Variants in SULT1E1 observed in about 807,000 individuals in gnomAD.
The protein encoded by SULT1E1 is sulfotransferase family 1E member 1, also known as sulfotransferase 1E1.
A neutral mutation model predicts 33.6 loss-of-function variants in SULT1E1; 36 were observed. The ratio of observed to expected loss-of-function variants is 1.07; its 90% confidence interval spans 0.82 to 1.41. The LOEUF (loss-of-function observed/expected upper bound fraction) is 1.41, where lower values mean the gene tolerates loss of function less well. Among genes scored for constraint, SULT1E1 ranks in the 40% most tolerant of loss-of-function variants. The probability of loss-of-function intolerance (pLI) is 0.00; values close to 1 mark genes in which losing one functional copy is unlikely to be tolerated. For synonymous variants in SULT1E1, 121 were observed against 111.7 expected (o/e 1.08, Z -0.53); for missense variants, 371 against 345.7 (o/e 1.07, Z -0.58).
the SULT1E1 span, among the ~76,000 whole-genome samples, chr4:69,823,883 G>A: frequency 1.1e-3 from 161 of 152,038 alleles, 1 homozygote; most frequent in African/African-American, 3.3e-3. Context: ...GAATGAAGCC[G>A]CTCCTATCAA....
At chr4:69,826,296 A>C in the SULT1E1 span, among the ~76,000 whole-genome samples, 18 of 152,232 alleles carry the variant, frequency 1.2e-4, no homozygotes, top group East Asian at 3.3e-3. Context: ...GTTTTCGAGA[A>C]TGTGTCGGTA....
chr4:69,854,119 C>G, intron 4 of SULT1E1, 98 bp downstream of exon 4: 1 of 746,640 alleles, frequency 1.3e-6, no homozygotes, highest in Non-Finnish European at 2.2e-6. Context: ...TCTATAGATT[C>G]AATGAAAGAA....
At chr4:69,828,844 G>T in the SULT1E1 span, among the ~76,000 whole-genome samples, 115 of 152,264 alleles carry the variant, frequency 7.6e-4, 1 homozygote, top group Non-Finnish European at 4.3e-4. Context: ...AACATGTGCA[G>T]GAGTCCCCTG....
At chr4:69,829,684 A>G in the SULT1E1 span, among the ~76,000 whole-genome samples, 1 of 152,186 alleles carries the variant, frequency 6.6e-6, no homozygotes, top group Non-Finnish European at 1.5e-5. Flanking sequence ...TTTGGAAGGT[A>G]TAGGAATTCA....
At chr4:69,847,625 T>C (rs1721005081) in intron 6 of SULT1E1, 73 bp downstream of exon 6, 1 of 996,434 alleles carries the variant, frequency 1.0e-6, no homozygotes, top group Non-Finnish European at 1.5e-6. Context: ...AGGAATATTT[T>C]TGTATCCAGA....
At position 69,842,070 on chromosome 4, in the gene SULT1E1, G is replaced by C; in HGVS notation, c.809C>G (p.Ala270Gly). 4 of 1,610,718 alleles carry C rather than the reference G, an allele frequency of 2.5e-6. No individual in the cohort carries two copies. In the South Asian group the frequency reaches 3.3e-5, roughly 13 times the overall value. Residue 270 changes from alanine to glycine, a missense_variant, in exon 8 of 8, where the codon GCC (alanine) becomes GGC (glycine). By Grantham distance (60) the Ala-to-Gly change is moderately conservative. Transcript: ENST00000226444. ...ATGTTTATCAAATTTTTCATTCAGG[G>C]CTACTGTAAAGTGATTTTTCCAGTC... Reference protein sequence around the residue: ...TGDWKNHFTVALNEKFDKHYE... With the variant: ...TGDWKNHFTVGLNEKFDKHYE...
chr4:69,835,899 G>C, the SULT1E1 span, among the ~76,000 whole-genome samples: 1 of 152,064 alleles, frequency 6.6e-6, no homozygotes, highest in Non-Finnish European at 1.5e-5. Context: ...CCTCCTTGGC[G>C]TCCCAGTGTG....
chr4:69,855,474 G>A, intron 2 of SULT1E1, 48 bp from the exon 3 acceptor site: 5 of 1,567,998 alleles, frequency 3.2e-6, no homozygotes, highest in Non-Finnish European at 4.3e-6. Flanking sequence ...CTGTAGAGTT[G>A]ATGACATTAG....
intron 4 of SULT1E1, among the ~76,000 whole-genome samples, chr4:69,850,082 G>A (rs566757189): frequency 1.1e-4 from 16 of 152,024 alleles, no homozygotes; most frequent in African/African-American, 3.4e-4. Context: ...AACATTTTAT[G>A]AGGTGAAAAT....
chr4:69,844,074 G>T, intron 7 of SULT1E1, 87 bp downstream of exon 7: 1 of 1,200,624 alleles, frequency 8.3e-7, no homozygotes, highest in Non-Finnish European at 1.2e-6. Flanking sequence ...GGGTTCATAG[G>T]CATTAAAATA....
chr4:69,853,931 C>T lies in SULT1E1; in HGVS notation c.369+286G>A, dbSNP rs11573761. On this transcript the variant is annotated intron_variant, in intron 4 of 7. Coordinates refer to ENST00000226444, the MANE Select transcript of SULT1E1 (RefSeq NM_005420.3). ...CACTTTATAAGCATTATCATGTAAT[C>T]CTTATAACAATTCCATGAAAAAGAT... 3.5e-3 allele frequency among the ~76,000 whole-genome samples: 528 copies of T among 152,202 alleles called. 4 individuals carry two copies. Among genetic ancestry groups the T allele is most frequent in the Non-Finnish European group, 5.7e-3 (388 of 67,988 alleles).
At chr4:69,830,441 C>T in the SULT1E1 span, among the ~76,000 whole-genome samples, 3 of 152,310 alleles carry the variant, frequency 2.0e-5, no homozygotes, top group African/African-American at 4.8e-5. Context: ...GGTGTACAAC[C>T]GAAATGCCTC....
rs1721050761 is a variant in SULT1E1 at position 69,849,378 on chromosome 4, G to T, written c.496+59C>A. 3 of 1,573,426 alleles carry T rather than the reference G, an allele frequency of 1.9e-6. No homozygotes were observed. In the African/African-American group the frequency reaches 4.1e-5, roughly 22 times the overall value. On this transcript the variant is annotated intron_variant, in intron 5 of 7. Coordinates refer to ENST00000226444, the MANE Select transcript of SULT1E1 (RefSeq NM_005420.3). ...GAACAGTTAAAAACTTTTACTTGGA[G>T]ATGGCATTTGTCTTATAAAACCTTG...
chr4:69,835,211 A>G, the SULT1E1 span, among the ~76,000 whole-genome samples: 2 of 152,184 alleles, frequency 1.3e-5, no homozygotes, highest in African/African-American at 4.8e-5. Flanking sequence ...ACTTTCCCTA[A>G]GAAACTTTCC....
At chr4:69,823,018 A>T in the SULT1E1 span, among the ~76,000 whole-genome samples, 5 of 152,216 alleles carry the variant, frequency 3.3e-5, no homozygotes, top group African/African-American at 1.2e-4. Context: ...GAGGAAATAC[A>T]GCAGTTGCTT....
rs11573787 is a variant in SULT1E1, at chr4:69,845,289, C to T, written c.592-948G>A. 4.8e-3 allele frequency among the ~76,000 whole-genome samples: 729 copies of T among 151,812 alleles called. 6 individuals carry two copies. Among genetic ancestry groups the T allele is most frequent in the African/African-American group, 0.017 (688 of 41,468 alleles). On this transcript the variant is annotated intron_variant, in intron 6 of 7. Transcript: ENST00000226444. ...ACATTTTAAAATAATTAAAAACTATCATTGGAATGTTTGTAACATGAAGAA... is the reference window on the plus strand; with the variant it reads ...ACATTTTAAAATAATTAAAAACTATTATTGGAATGTTTGTAACATGAAGAA...
At position 69,841,937 on chromosome 4, in the gene SULT1E1, G is replaced by A. The variant is rs755474698; in HGVS notation, c.*57C>T. On this transcript the variant is annotated 3_prime_UTR_variant, in exon 8 of 8. Coordinates refer to ENST00000226444, the MANE Select transcript of SULT1E1 (RefSeq NM_005420.3). ...CTAGCAATCTAAAATAAGAAAAAGT[G>A]GAGAATAATGAAAAGAAATCTTTAA... 43 of 904,502 alleles carry A rather than the reference G, an allele frequency of 4.8e-5. No homozygotes were observed. The highest frequency in any genetic ancestry group is 2.5e-4 in the Middle Eastern group (1 of 4,006). 56.0% of individuals were successfully genotyped at this position (904,502 alleles called of 1,614,324 possible).
At chr4:69,842,841 T>G (rs1038632445) in intron 7 of SULT1E1, among the ~76,000 whole-genome samples, 5 of 152,114 alleles carry the variant, frequency 3.3e-5, no homozygotes, top group Middle Eastern at 3.4e-3. Context: ...TTTTTTTTTT[T>G]TCTTTTTTTT....
chr4:69,832,685 C>G, the SULT1E1 span, among the ~76,000 whole-genome samples: 10 of 152,242 alleles, frequency 6.6e-5, no homozygotes, highest in African/African-American at 9.6e-5. Flanking sequence ...TGCGACCCCC[C>G]CACCATGGCG....
Sources: allele counts gnomAD v4.1 joint callset (sites outside exome capture counted in the v4.1 genomes callset), GRCh38; gene constraint gnomAD v4.1.1; transcripts MANE v1.5; gene names NCBI Gene and HGNC (gene_info 2026-07-23, HGNC 2026-07-21).